PPP1R12C: variants seen among roughly 807,000 people sequenced by gnomAD.
PPP1R12C encodes the protein protein phosphatase 1 regulatory subunit 12C.
PPP1R12C carries 48 observed loss-of-function variants against 95.6 expected under a neutral mutation model. That is an observed-to-expected ratio of 0.50 (90% CI 0.40 to 0.64). PPP1R12C has a LOEUF of 0.64. PPP1R12C is among the 30% of genes least tolerant of loss of function. The probability of loss-of-function intolerance (pLI) is 0.00; values close to 1 mark genes in which losing one functional copy is unlikely to be tolerated. For missense variants in PPP1R12C, 1,057 were observed against 1,083.3 expected (o/e 0.98, Z 0.34); for synonymous variants, 480 against 460.8 (o/e 1.04, Z -0.53).
intron 3 of PPP1R12C, among the ~76,000 whole-genome samples, chr19:55,104,862 C>T (rs1251436600): frequency 6.6e-6 from 1 of 151,634 alleles, no homozygotes; most frequent in Non-Finnish European, 1.5e-5. Context: ...ACTTCTGCCT[C>T]CCAGGTTCAA....
Position 55,095,359 on chromosome 19 carries a change from C to G in PPP1R12C, c.1387-1G>C. ...TTCTGGCAAGACGGAGCTCCTTGGC[C>G]TGTGTGGAGAGGAGAAGGGGAGGAA... On this transcript the variant is annotated splice_acceptor_variant, in intron 10 of 21. Transcript: ENST00000263433. LOFTEE classifies it high-confidence loss of function. 6.3e-7 allele frequency: 1 copy of G among 1,589,930 alleles called. No individual in the cohort carries two copies. Among genetic ancestry groups the G allele is most frequent in the Non-Finnish European group, 8.6e-7 (1 of 1,168,420 alleles).
At chr19:55,092,103 G>GC in intron 19 of PPP1R12C, 119 bp downstream of exon 19, 1 of 1,085,610 alleles carries the variant, frequency 9.2e-7, no homozygotes, top group Non-Finnish European at 1.3e-6. Flanking sequence ...TCTCGGCCCC[G>GC]CCCCTCAAGT....
intron 3 of PPP1R12C, chr19:55,112,257 T>G: frequency 3.0e-6 from 1 of 335,670 alleles, no homozygotes; most frequent in Non-Finnish European, 5.4e-6. Flanking sequence ...GGGGTTTGAG[T>G]TCTCATCCTG....
Position 55,092,271 on chromosome 19 carries a change from G to C in PPP1R12C, c.2111C>G (p.Thr704Ser). The change falls in exon 19 of 22, where the codon ACC (threonine) becomes AGC (serine). Residue 704 changes from threonine to serine, a missense_variant. By Grantham distance (58) the Thr-to-Ser change is moderately conservative. Transcript: ENST00000263433. ...CTTGAGCTGCGCCAGCCGCAGCGTG[G>C]TCTCGGTCAGGGCCTCGCGAAGCCG... ...NERLREALTE[T>S]TLRLAQLKVE... 1 of 1,600,564 alleles carries C rather than the reference G, an allele frequency of 6.2e-7. No homozygotes were observed. Among genetic ancestry groups the C allele is most frequent in the South Asian group, 1.1e-5 (1 of 89,034 alleles).
intron 3 of PPP1R12C, among the ~76,000 whole-genome samples, chr19:55,104,221 AATAT>A (rs1304230661): frequency 1.4e-5 from 2 of 144,104 alleles, no homozygotes; most frequent in Non-Finnish European, 3.0e-5. Flanking sequence ...CACATACAAA[AATAT>A]AAATATAAAA....
intron 1 of PPP1R12C, chr19:55,113,425 G>A (rs1456362706): frequency 2.7e-6 from 4 of 1,502,818 alleles, no homozygotes; most frequent in Non-Finnish European, 3.5e-6. Flanking sequence ...TCACACTCCA[G>A]TTCACTGAGG....
At chr19:55,092,704 C>T in intron 16 of PPP1R12C, 42 bp from the exon 17 acceptor site, 2 of 1,527,822 alleles carry the variant, frequency 1.3e-6, no homozygotes, top group Non-Finnish European at 1.8e-6. Context: ...ATGGGAGGGA[C>T]TTTAGCGGGT....
intron 19 of PPP1R12C, 127 bp from the exon 20 acceptor site, chr19:55,092,036 GC>G: frequency 7.9e-7 from 1 of 1,273,358 alleles, no homozygotes; most frequent in Non-Finnish European, 1.1e-6. Context: ...CACGGGCCAG[GC>G]CCCGCCACCG....
rs377460629 is a variant in PPP1R12C at position 55,091,505 on chromosome 19, C to T, written c.2316G>A (p.Ala772=). The T allele has an allele frequency of 3.0e-5, 48 of 1,613,934 alleles. No homozygotes were observed. In the African/African-American group the frequency reaches 3.9e-4, roughly 13 times the overall value. Residue 772 remains alanine, a synonymous_variant, in exon 22 of 22, where the codon GCG becomes GCA. Coordinates refer to ENST00000263433, the MANE Select transcript of PPP1R12C (RefSeq NM_017607.4). The part of the protein sequence containing the change: ...DNQRLKDENA[A]LIRVISKLSK ...AGAGTTTGCTGATGACGCGGATCAA[C>T]GCTGCATTCTCATCCTTGAGGCGCT...
chr19:55,097,285 G>A (rs1424984375), intron 6 of PPP1R12C, among the ~76,000 whole-genome samples: 3 of 81,810 alleles, frequency 3.7e-5, no homozygotes, highest in African/African-American at 5.4e-5. Flanking sequence ...GTTCACCACC[G>A]TCTTCACCCC....
chr19:55,103,625 G>A (rs2085002318), intron 3 of PPP1R12C, 57 bp from the exon 4 acceptor site: 1 of 1,434,006 alleles, frequency 7.0e-7, no homozygotes, highest in Non-Finnish European at 9.3e-7. Flanking sequence ...AAATACCCAG[G>A]GTCATACACT....
Position 55,094,367 on chromosome 19 carries a change from C to A in PPP1R12C, c.1661G>T (p.Arg554Leu), listed in dbSNP as rs1251976987. 1.2e-6 allele frequency: 2 copies of A among 1,613,652 alleles called. No individual in the cohort carries two copies. Among genetic ancestry groups the A allele is most frequent in the Admixed American group, 1.7e-5 (1 of 60,012 alleles). Reference sequence around the variant, plus strand: ...CACCTGTGTGGACCTCCGAGACTGGCGCATGAGACGGGAGCGAGCTTTTCT... The same window carrying A: ...CACCTGTGTGGACCTCCGAGACTGGAGCATGAGACGGGAGCGAGCTTTTCT... ...SQRKARSRLMRQSRRSTQGVT... is the reference protein window; with the variant it reads ...SQRKARSRLMLQSRRSTQGVT... Residue 554 changes from arginine (R) to leucine (L), a missense_variant, in exon 13 of 22, where the codon CGC becomes CTC. Arg to Leu is a moderately radical substitution (Grantham distance 102, BLOSUM62 -2). Around this residue, in one of 5 missense-constraint regions of PPP1R12C, gnomAD observed 2 missense variants for 16.7 expected, o/e 0.12. Transcript: ENST00000263433.
Position 55,096,117 on chromosome 19 carries a change from G to A in PPP1R12C, c.1087C>T (p.Arg363Cys), listed in dbSNP as rs140456089. The A allele has an allele frequency of 7.1e-5, 114 of 1,598,906 alleles. No individual in the cohort carries two copies. In the Middle Eastern group the frequency reaches 1.3e-3, roughly 19 times the overall value. The change falls in exon 8 of 22, where the codon CGC becomes TGC. Residue 363 changes from arginine to cysteine, a missense_variant. Arg to Cys is a radical substitution (Grantham distance 180). Around this residue, in one of 5 missense-constraint regions of PPP1R12C, gnomAD observed 356 missense variants for 330.5 expected, o/e 1.08. Transcript: ENST00000263433. ...KISLQDLSKE[R>C]RPGGAGGPPI... is the part of the protein sequence containing the mutation. Reference sequence around the variant, plus strand: ...GGCCCCCCAGCCCCACCAGGCCGGCGCTCCTTGGACAAGTCCTGGAGGGAA... The same window carrying A: ...GGCCCCCCAGCCCCACCAGGCCGGCACTCCTTGGACAAGTCCTGGAGGGAA...
chr19:55,113,254 C>T lies in PPP1R12C; in HGVS notation c.322-459G>A, dbSNP rs1350615527. ...GCCAGGTCCTTCCAAGGGTCAAGCT[C>T]GGAAACCACCCCAGCAGATACTCTG... On this transcript the variant is annotated intron_variant, in intron 1 of 21. Transcript: ENST00000263433. The T allele has an allele frequency of 2.5e-5, 16 of 634,742 alleles. No individual in the cohort carries two copies. In the Admixed American group the frequency reaches 4.0e-4, roughly 16 times the overall value. The allele number at this position is 634,742 out of a possible 1,614,324, so 39.3% of individuals were successfully genotyped here. A position where few individuals can be genotyped will look rare whatever the true frequency, so the allele number is the denominator to read the frequency against.
chr19:55,095,208 T>G, intron 11 of PPP1R12C, 83 bp downstream of exon 11: 2 of 1,415,752 alleles, frequency 1.4e-6, no homozygotes, highest in South Asian at 1.2e-5. Context: ...AGGGGGTACA[T>G]GGTCTCACTC....
intron 5 of PPP1R12C, 39 bp downstream of exon 5, chr19:55,098,912 C>T (rs1250264567): frequency 6.2e-7 from 1 of 1,607,082 alleles, no homozygotes; most frequent in East Asian, 2.2e-5. Flanking sequence ...GGGCCCTCCC[C>T]ACGCCCTGCC....
intron 4 of PPP1R12C, among the ~76,000 whole-genome samples, chr19:55,099,302 A>T (rs2084956468): frequency 6.6e-6 from 1 of 152,196 alleles, no homozygotes; most frequent in Non-Finnish European, 1.5e-5. Context: ...CAGCAGTTAC[A>T]TGTTAAACCC....
intron 4 of PPP1R12C, among the ~76,000 whole-genome samples, chr19:55,101,803 A>G (rs570075898): frequency 6.6e-6 from 1 of 152,194 alleles, no homozygotes; most frequent in Non-Finnish European, 1.5e-5. Context: ...ACTGAGGTCC[A>G]GGGGCTCTGC....
rs117877867 is a variant in PPP1R12C at position 55,106,472 on chromosome 19, T to C, written c.572-2904A>G. ...CAGAAATCAGCTCCCGTGTCCGCCC[T>C]TGTCAGCACTTGGAGCTATCCAATG... On this transcript the variant is annotated intron_variant, in intron 3 of 21. Transcript: ENST00000263433. Among the ~76,000 whole-genome samples, 16 of 152,308 alleles carry C rather than the reference T, an allele frequency of 1.1e-4. No individual in the cohort carries two copies. In the East Asian group the frequency reaches 3.1e-3, roughly 29 times the overall value.
Sources: allele counts gnomAD v4.1 joint callset (sites outside exome capture counted in the v4.1 genomes callset), GRCh38; gene constraint gnomAD v4.1.1; regional missense constraint gnomAD v4.1.1; transcripts MANE v1.5; gene names NCBI Gene and HGNC (gene_info 2026-07-23, HGNC 2026-07-21).